Variants in DNAH14 observed in about 807,000 individuals in gnomAD.
The protein encoded by DNAH14 is dynein axonemal heavy chain 14.
DNAH14 carries 478 observed loss-of-function variants against 520.9 expected under a neutral mutation model. The ratio of observed to expected loss-of-function variants is 0.92; its 90% CI spans 0.85 to 0.99. DNAH14 has a LOEUF of 0.99. Among genes scored for constraint, DNAH14 ranks in the 50% least tolerant of loss-of-function variants. DNAH14 has a pLI of 0.00. For missense variants in DNAH14, 4,831 were observed against 5,234.5 expected, an observed-to-expected ratio of 0.92 and a Z score of 2.38; for synonymous variants, 1,581 against 1,757.2, an observed-to-expected ratio of 0.90 and a Z score of 2.51.
intron 41 of DNAH14, among the ~76,000 whole-genome samples, chr1:225,216,889 C>T (rs975865058): frequency 6.6e-6 from 1 of 152,208 alleles, no homozygotes; most frequent in African/African-American, 2.4e-5. Flanking sequence ...CATCTGATGC[C>T]TTCTTCTATC....
intron 64 of DNAH14, among the ~76,000 whole-genome samples, chr1:225,327,693 C>T (rs1234132756): frequency 6.6e-6 from 1 of 151,282 alleles, no homozygotes; most frequent in Non-Finnish European, 1.5e-5. Context: ...AAACCCAAAG[C>T]TAGCAGAAGA....
intron 36 of DNAH14, among the ~76,000 whole-genome samples, chr1:225,173,993 C>G (rs2083021532): frequency 6.6e-6 from 1 of 152,150 alleles, no homozygotes; most frequent in Non-Finnish European, 1.5e-5. Context: ...CCATCATTCT[C>G]AGCAAACTAT....
At chr1:225,305,221 C>A in intron 58 of DNAH14, 132 bp downstream of exon 58, 1 of 1,064,154 alleles carries the variant, frequency 9.4e-7, no homozygotes, top group Non-Finnish European at 1.3e-6. Context: ...TGCAGAAGAT[C>A]TTAAAAGAGA....
intron 8 of DNAH14, among the ~76,000 whole-genome samples, chr1:224,991,979 A>G (rs1183304397): frequency 6.6e-6 from 1 of 152,168 alleles, no homozygotes. Context: ...CCCCAACACT[A>G]TTTATTGAAG....
intron 41 of DNAH14, among the ~76,000 whole-genome samples, chr1:225,218,432 C>G (rs369287013): frequency 6.0e-4 from 89 of 149,024 alleles, no homozygotes; most frequent in Admixed American, 1.5e-3. Context: ...CAAAGACACA[C>G]ATAGGCTCAA....
At chr1:225,048,042 T>G (rs1558783380) in intron 15 of DNAH14, among the ~76,000 whole-genome samples, 1 of 152,142 alleles carries the variant, frequency 6.6e-6, no homozygotes, top group Admixed American at 6.5e-5. Flanking sequence ...ATCCCCCAGT[T>G]CCCTTGTGCA....
intron 36 of DNAH14, among the ~76,000 whole-genome samples, chr1:225,180,661 A>G (rs1290522349): frequency 6.6e-6 from 1 of 152,058 alleles, no homozygotes; most frequent in Non-Finnish European, 1.5e-5. Flanking sequence ...AGATATAAAC[A>G]CTTCTCATTA....
At chr1:225,076,938 T>TC (rs552736210) in intron 17 of DNAH14, among the ~76,000 whole-genome samples, 71 of 152,056 alleles carry the variant, frequency 4.7e-4, no homozygotes, top group African/African-American at 1.6e-3. Context: ...ATGCTATCCC[T>TC]CCCCCAGCCC....
At chr1:225,000,466 T>C (rs1361807500) in intron 8 of DNAH14, among the ~76,000 whole-genome samples, 1 of 130,426 alleles carries the variant, frequency 7.7e-6, no homozygotes, top group Non-Finnish European at 1.6e-5. Context: ...TCTTCAAGTA[T>C]TTTTTTTTTT....
At chr1:225,041,150 C>T (rs1252038475) in intron 12 of DNAH14, among the ~76,000 whole-genome samples, 1 of 152,194 alleles carries the variant, frequency 6.6e-6, no homozygotes, top group African/African-American at 2.4e-5. Flanking sequence ...CACTTTTGTC[C>T]CATAGCCCAA....
chr1:225,294,452 A>C (rs1239652229), intron 55 of DNAH14, among the ~76,000 whole-genome samples: 1 of 152,194 alleles, frequency 6.6e-6, no homozygotes, highest in Non-Finnish European at 1.5e-5. Flanking sequence ...CTGACCTCAT[A>C]GAATGAGTAA....
chr1:225,331,808 A>G (rs1274191824), intron 65 of DNAH14, among the ~76,000 whole-genome samples: 4 of 152,230 alleles, frequency 2.6e-5, no homozygotes, highest in African/African-American at 9.6e-5. Context: ...TGTTCTGAAG[A>G]CATCAGCACG....
intron 35 of DNAH14, among the ~76,000 whole-genome samples, chr1:225,165,877 G>A (rs1044205608): frequency 1.1e-4 from 17 of 152,076 alleles, no homozygotes; most frequent in East Asian, 3.9e-4. Flanking sequence ...GAGACACCGC[G>A]CATGGCCTCA....
intron 17 of DNAH14, among the ~76,000 whole-genome samples, chr1:225,070,411 G>A (rs563470381): frequency 6.6e-6 from 1 of 152,144 alleles, no homozygotes; most frequent in East Asian, 1.9e-4. Flanking sequence ...TTGTATATTT[G>A]TCCTCATTAA....
At chr1:225,391,619 G>T (rs753555619) in intron 83 of DNAH14, among the ~76,000 whole-genome samples, 1 of 152,128 alleles carries the variant, frequency 6.6e-6, no homozygotes, top group Non-Finnish European at 1.5e-5. Context: ...TGGAAGGACA[G>T]GGGTGGGGGG....
intron 80 of DNAH14, among the ~76,000 whole-genome samples, chr1:225,380,597 T>C (rs1575117862): frequency 6.6e-6 from 1 of 152,276 alleles, no homozygotes; most frequent in Non-Finnish European, 1.5e-5. Flanking sequence ...AACTCTGCTT[T>C]GGAGATTGTC....
Position 225,290,671 on chromosome 1 carries a change from A to G in DNAH14, c.8469+589A>G, listed in dbSNP as rs1265425461. Among the ~76,000 whole-genome samples the G allele has an allele frequency of 2.5e-4, 32 of 126,796 alleles. 1 individual carries two copies. Among genetic ancestry groups the G allele is most frequent in the African/African-American group, 1.0e-3 (31 of 31,038 alleles). 83.2% of individuals were successfully genotyped at this position (126,796 alleles called of 152,430 possible). On this transcript the variant is annotated intron_variant, in intron 55 of 85. Coordinates refer to ENST00000682510, the MANE Select transcript of DNAH14 (RefSeq NM_001367479.1). The stretch of plus-strand genomic sequence containing the variant: ...TGTATATATATATATATATATATAT[A>G]TATATATATATATATATATATATTT...
intron 27 of DNAH14, among the ~76,000 whole-genome samples, chr1:225,127,670 A>G (rs2077891683): frequency 6.6e-6 from 1 of 152,130 alleles, no homozygotes; most frequent in South Asian, 2.1e-4. Context: ...CCAATTTGCC[A>G]GTCTGTGTCT....
chr1:225,237,225 T>A (rs1225959712), intron 42 of DNAH14, among the ~76,000 whole-genome samples: 1 of 152,208 alleles, frequency 6.6e-6, no homozygotes, highest in Non-Finnish European at 1.5e-5. Context: ...GCCTGTGTAC[T>A]TCAGTGCATT....
Sources: gnomAD v4.1 joint callset for allele counts (sites outside exome capture counted in the v4.1 genomes callset) on GRCh38, gnomAD v4.1.1 for gene constraint, MANE v1.5 for transcripts, NCBI Gene and HGNC (gene_info 2026-07-23, HGNC 2026-07-21) for gene names.